The following RBFOX1 variants were observed in gnomAD, a reference collection of about 807,000 sequenced individuals.
RBFOX1 encodes RNA binding fox-1 homolog 1.
RBFOX1 carries 8 observed loss-of-function variants against 57.7 expected under a neutral mutation model. That is an observed-to-expected ratio of 0.14 (90% CI 0.08 to 0.25). RBFOX1 has a LOEUF of 0.25. Among genes scored for constraint, RBFOX1 ranks in the 10% least tolerant of loss-of-function variants. The pLI is 1.00. For synonymous variants in RBFOX1, 326 were observed against 222.4 expected, an observed-to-expected ratio of 1.47 and a Z score of -4.15; for missense variants, 611 against 548.5, an observed-to-expected ratio of 1.11 and a Z score of -1.14.
chr16:5,650,853 C>T (rs1036867589), intron 3 of RBFOX1, among the ~76,000 whole-genome samples: 4 of 152,018 alleles, frequency 2.6e-5, no homozygotes, highest in Non-Finnish European at 2.9e-5. Flanking sequence ...GTCATGAAGA[C>T]AGGAACGAAG....
chr16:5,432,155 C>G, intron 1 of RBFOX1, among the ~76,000 whole-genome samples: 1 of 152,120 alleles, frequency 6.6e-6, no homozygotes, highest in East Asian at 1.9e-4. Flanking sequence ...GGAAAATCCA[C>G]CAGGATTGGC....
intron 4 of RBFOX1, among the ~76,000 whole-genome samples, chr16:5,883,471 T>C (rs1022859241): frequency 6.6e-6 from 1 of 152,140 alleles, no homozygotes; most frequent in Non-Finnish European, 1.5e-5. Context: ...TCTTACCATA[T>C]TGGTAAGTAA....
At chr16:6,084,283 G>A (rs73523880) in intron 1 of RBFOX1, among the ~76,000 whole-genome samples, 12,907 of 151,966 alleles carry the variant, frequency 0.085, 1,402 homozygotes, top group African/African-American at 0.25. Context: ...TTGCTCTGTC[G>A]CCCAGGCTGG....
At chr16:7,479,814 A>T (rs967479030) in intron 4 of RBFOX1, among the ~76,000 whole-genome samples, 1 of 152,214 alleles carries the variant, frequency 6.6e-6, no homozygotes, top group African/African-American at 2.4e-5. Flanking sequence ...TAACAAAGCT[A>T]GATGTGAAGA....
intron 4 of RBFOX1, among the ~76,000 whole-genome samples, chr16:7,212,913 T>C (rs951075224): frequency 2.0e-5 from 3 of 152,222 alleles, no homozygotes; most frequent in African/African-American, 7.2e-5. Context: ...AGTGGTTACA[T>C]GTAACCTAGT....
chr16:7,351,930 A>G (rs1212965203), intron 4 of RBFOX1, among the ~76,000 whole-genome samples: 1 of 152,308 alleles, frequency 6.6e-6, no homozygotes, highest in Non-Finnish European at 1.5e-5. Flanking sequence ...GGAAAAGCCC[A>G]CAGTGACCCT....
chr16:6,587,672 A>T (rs1195363699), intron 2 of RBFOX1, among the ~76,000 whole-genome samples: 1 of 152,194 alleles, frequency 6.6e-6, no homozygotes, highest in African/African-American at 2.4e-5. Context: ...ACTAGGGTAG[A>T]GGTTTTTAGT....
chr16:6,346,653 ACT>A (rs763011908), intron 2 of RBFOX1, among the ~76,000 whole-genome samples: 2 of 152,272 alleles, frequency 1.3e-5, no homozygotes, highest in East Asian at 3.9e-4. Flanking sequence ...GCTCAATTAA[ACT>A]CTGTTAGATT....
intron 3 of RBFOX1, among the ~76,000 whole-genome samples, chr16:7,000,429 A>G (rs918900027): frequency 2.2e-4 from 34 of 152,176 alleles, no homozygotes; most frequent in African/African-American, 7.7e-4. Flanking sequence ...GGTCATTTTT[A>G]TGCAACAGTC....
chr16:6,155,049 G>A (rs2096829018), intron 1 of RBFOX1, among the ~76,000 whole-genome samples: 2 of 152,188 alleles, frequency 1.3e-5, no homozygotes, highest in African/African-American at 4.8e-5. Context: ...TTTTATTGGA[G>A]GAAATAGGAA....
chr16:5,919,221 C>G (rs988163920), intron 4 of RBFOX1, among the ~76,000 whole-genome samples: 1 of 152,210 alleles, frequency 6.6e-6, no homozygotes, highest in Non-Finnish European at 1.5e-5. Flanking sequence ...CTGGATGGTT[C>G]TAGTTAATGC....
intron 14 of RBFOX1, among the ~76,000 whole-genome samples, chr16:7,706,301 G>A (rs1270966529): frequency 6.6e-6 from 1 of 152,198 alleles, no homozygotes; most frequent in African/African-American, 2.4e-5. Context: ...GATTCTGAAG[G>A]TAGAGGTCAC....
chr16:6,915,797 C>T (rs141238087), intron 3 of RBFOX1, among the ~76,000 whole-genome samples: 1 of 152,142 alleles, frequency 6.6e-6, no homozygotes, highest in Non-Finnish European at 1.5e-5. Flanking sequence ...GGTGATCTGC[C>T]TGCCCTGGCC....
rs1479747882 is a variant in RBFOX1, at chr16:5,913,110, T to C, written c.351+45775T>C. On this transcript the variant is annotated intron_variant, in intron 4 of 19. Transcript: ENST00000641259. ...TGCATGTAGTAGCTATGTGTTGTGT[T>C]AGCCTCTCTTTCTTGGTCTAGAAAT... Among the ~76,000 whole-genome samples the C allele has an allele frequency of 2.0e-5, 3 of 152,236 alleles. No homozygotes were observed. In the East Asian group the frequency reaches 5.8e-4, roughly 29 times the overall value.
intron 3 of RBFOX1, among the ~76,000 whole-genome samples, chr16:7,029,291 T>C (rs2042175662): frequency 7.8e-6 from 1 of 128,676 alleles, no homozygotes; most frequent in African/African-American, 3.1e-5. Context: ...TATACACATA[T>C]ATATATACGT....
At chr16:7,625,009 A>G (rs750731792) in intron 10 of RBFOX1, among the ~76,000 whole-genome samples, 21 of 152,172 alleles carry the variant, frequency 1.4e-4, no homozygotes, top group Non-Finnish European at 2.4e-4. Flanking sequence ...GGAACAGAGA[A>G]ACCTTGTGTG....
At chr16:7,094,667 C>G (rs1283048722) in intron 4 of RBFOX1, among the ~76,000 whole-genome samples, 2 of 146,550 alleles carry the variant, frequency 1.4e-5, no homozygotes, top group Non-Finnish European at 3.0e-5. Flanking sequence ...ATTGTTCACC[C>G]TACTCCAATG....
chr16:6,647,462 G>A (rs1043450570), intron 2 of RBFOX1, among the ~76,000 whole-genome samples: 1 of 152,032 alleles, frequency 6.6e-6, no homozygotes, highest in Non-Finnish European at 1.5e-5. Flanking sequence ...TGGCCACGTT[G>A]GTCTTGAGCC....
chr16:5,617,206 G>A (rs182977841), intron 3 of RBFOX1, among the ~76,000 whole-genome samples: 2 of 152,058 alleles, frequency 1.3e-5, no homozygotes, highest in African/African-American at 2.4e-5. Flanking sequence ...CCTCACTTCC[G>A]ACTTTGACCC....
Sources: allele counts gnomAD v4.1 joint callset (sites outside exome capture counted in the v4.1 genomes callset), GRCh38; gene constraint gnomAD v4.1.1; transcripts MANE v1.5; gene names NCBI Gene and HGNC (gene_info 2026-07-23, HGNC 2026-07-21).